AFG1L: variants seen among roughly 807,000 people sequenced by gnomAD.
AFG1L encodes the protein AFG1-like ATPase.
AFG1L carries 53 observed loss-of-function variants against 62.2 expected under a neutral mutation model. The observed-to-expected ratio is 0.85, with a 90% CI of 0.68 to 1.07. The LOEUF (loss-of-function observed/expected upper bound fraction) is 1.07, where lower values mean the gene tolerates loss of function less well. Among genes scored for constraint, AFG1L ranks in the 50% least tolerant of loss-of-function variants. The pLI is 0.00. For missense variants in AFG1L, 555 were observed against 590.5 expected, an observed-to-expected ratio of 0.94 and a Z score of 0.62; for synonymous variants, 228 against 210.3, an observed-to-expected ratio of 1.08 and a Z score of -0.73.
intron 6 of AFG1L, among the ~76,000 whole-genome samples, chr6:108,396,632 A>T (rs1465827266): frequency 1.3e-5 from 2 of 152,038 alleles, no homozygotes; most frequent in African/African-American, 4.8e-5. Flanking sequence ...CTGGGATTAC[A>T]GGTACTCGCC....
At chr6:108,508,607 T>C (rs568712113) in intron 10 of AFG1L, among the ~76,000 whole-genome samples, 1 of 152,260 alleles carries the variant, frequency 6.6e-6, no homozygotes, top group East Asian at 1.9e-4. Flanking sequence ...GCTGCATCCT[T>C]CTTAGAACTG....
chr6:108,489,014 C>CT (rs1773676680), intron 10 of AFG1L, among the ~76,000 whole-genome samples: 1 of 152,172 alleles, frequency 6.6e-6, no homozygotes, highest in South Asian at 2.1e-4. Flanking sequence ...TGAAAAATAA[C>CT]TATCCAGAAG....
At chr6:108,462,424 C>T (rs994401018) in intron 8 of AFG1L, among the ~76,000 whole-genome samples, 1 of 151,458 alleles carries the variant, frequency 6.6e-6, no homozygotes, top group Admixed American at 6.6e-5. Flanking sequence ...CAAAAAAAAA[C>T]ACTCCCGAAT....
At chr6:108,319,684 C>T (rs1037526572) in intron 1 of AFG1L, 17 of 335,798 alleles carry the variant, frequency 5.1e-5, no homozygotes, top group African/African-American at 3.7e-4. Flanking sequence ...TCATGGTGCT[C>T]TGCAGCCTCC....
chr6:108,491,965 A>G (rs567446435), intron 10 of AFG1L, among the ~76,000 whole-genome samples: 3 of 152,236 alleles, frequency 2.0e-5, no homozygotes, highest in Non-Finnish European at 4.4e-5. Context: ...CAAAGAAAGC[A>G]AAACAAACAA....
chr6:108,447,227 C>T lies in AFG1L; in HGVS notation c.821C>T (p.Thr274Ile), dbSNP rs1771846499. Reference sequence around the variant, plus strand: ...TTTGGATTGTAGGAATATTGTAATACAGTCCAGCTAGATTCTGGGATAGAT... The same window carrying T: ...TTTGGATTGTAGGAATATTGTAATATAGTCCAGCTAGATTCTGGGATAGAT... ...FIAVLKEYCN[T>I]VQLDSGIDYR... The change falls in exon 8 of 13, where the codon ACA becomes ATA. Residue 274 changes from threonine (T) to isoleucine (I), a missense_variant. Coordinates refer to ENST00000368977, the MANE Select transcript of AFG1L (RefSeq NM_145315.5). The T allele has an allele frequency of 1.9e-6, 3 of 1,595,076 alleles. No individual in the cohort carries two copies. The highest frequency in any genetic ancestry group is 1.7e-6 in the Non-Finnish European group (2 of 1,163,416).
intron 7 of AFG1L, among the ~76,000 whole-genome samples, chr6:108,439,067 G>A (rs1023254051): frequency 3.9e-5 from 6 of 152,118 alleles, no homozygotes; most frequent in African/African-American, 1.2e-4. Flanking sequence ...TAAAGGGATC[G>A]TAATCAATTC....
chr6:108,385,786 G>A (rs1167343057), intron 6 of AFG1L, among the ~76,000 whole-genome samples: 2 of 152,232 alleles, frequency 1.3e-5, no homozygotes, highest in East Asian at 1.9e-4. Flanking sequence ...ATGTTGAGAG[G>A]AAGAACCATC....
rs112654910 is a variant in AFG1L at position 108,451,540 on chromosome 6, T to C, written c.890+4244T>C. Among the ~76,000 whole-genome samples the C allele has an allele frequency of 9.6e-3, 1,458 of 152,240 alleles. 15 individuals carry two copies. The highest frequency in any genetic ancestry group is 0.032 in the African/African-American group (1,344 of 41,520). Reference sequence around the variant, plus strand: ...AGACGTTTTTGGCCCTGTAACAACCTCATATACAGCAAATTCAGAGAATTT... The same window carrying C: ...AGACGTTTTTGGCCCTGTAACAACCCCATATACAGCAAATTCAGAGAATTT... On this transcript the variant is annotated intron_variant, in intron 8 of 12. Coordinates refer to ENST00000368977, the MANE Select transcript of AFG1L (RefSeq NM_145315.5).
chr6:108,345,892 G>A (rs1778844444), intron 2 of AFG1L, among the ~76,000 whole-genome samples: 1 of 152,086 alleles, frequency 6.6e-6, no homozygotes, highest in Non-Finnish European at 1.5e-5. Context: ...CAGTGTAAGT[G>A]CCTTCTGGCC....
intron 10 of AFG1L, among the ~76,000 whole-genome samples, chr6:108,482,859 C>A (rs1312378010): frequency 6.6e-6 from 1 of 152,162 alleles, no homozygotes; most frequent in Non-Finnish European, 1.5e-5. Flanking sequence ...TTGATGCTAA[C>A]CTTCATCATA....
At chr6:108,498,760 A>T (rs1161450205) in intron 10 of AFG1L, among the ~76,000 whole-genome samples, 1 of 152,164 alleles carries the variant, frequency 6.6e-6, no homozygotes, top group Non-Finnish European at 1.5e-5. Flanking sequence ...AGATCACCTG[A>T]GATCAGGAGT....
At chr6:108,425,666 A>G (rs1363574094) in intron 7 of AFG1L, among the ~76,000 whole-genome samples, 3 of 152,190 alleles carry the variant, frequency 2.0e-5, no homozygotes, top group East Asian at 1.9e-4. Context: ...ACATATATAC[A>G]TACACATATA....
At chr6:108,457,564 T>C (rs1462074752) in intron 8 of AFG1L, among the ~76,000 whole-genome samples, 1 of 151,868 alleles carries the variant, frequency 6.6e-6, no homozygotes, top group East Asian at 1.9e-4. Context: ...TTATTATCTT[T>C]TTAGGTTATA....
intron 2 of AFG1L, among the ~76,000 whole-genome samples, chr6:108,340,426 T>TGA (rs1638349430): frequency 6.6e-6 from 1 of 150,928 alleles, no homozygotes; most frequent in South Asian, 2.1e-4. Context: ...TGCAGTGGTG[T>TGA]GATCTAAGCT....
At position 108,356,709 on chromosome 6, in the gene AFG1L, G is replaced by T. The variant is rs1176239337; in HGVS notation, c.537G>T (p.Gln179His). 1 of 1,611,278 alleles carries T rather than the reference G, an allele frequency of 6.2e-7. No homozygotes were observed. The highest frequency in any genetic ancestry group is 1.7e-5 in the Admixed American group (1 of 59,638). ...TTTAAGGAATACATCGCCTTAAACA[G>T]AGTTTGCCAAAAAGGAAACCAGGAT... ...DVHKRIHRLK[Q>H]SLPKRKPGFM... The change falls in exon 5 of 13, where the codon CAG becomes CAT. Residue 179 changes from glutamine to histidine, a missense_variant. Gln to His is a conservative substitution (Grantham distance 24, BLOSUM62 0). Transcript: ENST00000368977.
chr6:108,351,038 A>G (rs1317353164), intron 3 of AFG1L, among the ~76,000 whole-genome samples: 1 of 152,210 alleles, frequency 6.6e-6, no homozygotes, highest in Non-Finnish European at 1.5e-5. Flanking sequence ...TTATCTAAAC[A>G]TATCTAAACA....
At chr6:108,490,873 T>C (rs1432555667) in intron 10 of AFG1L, among the ~76,000 whole-genome samples, 1 of 152,232 alleles carries the variant, frequency 6.6e-6, no homozygotes, top group African/African-American at 2.4e-5. Context: ...CTCTCTCTAC[T>C]GACGGATGCT....
chr6:108,356,450 AAG>A lies in AFG1L; in HGVS notation c.518-237_518-236del, dbSNP rs546019516. On this transcript the variant is annotated intron_variant, in intron 4 of 12. Coordinates refer to ENST00000368977, the MANE Select transcript of AFG1L (RefSeq NM_145315.5). ...TACCTTGTCATTTCTGAAATGATTA[AAG>A]AGTAGAAATGAAATGACCTTGAAGT... Among the ~76,000 whole-genome samples, 21 of 152,346 alleles carry A rather than the reference AAG, an allele frequency of 1.4e-4. No individual in the cohort carries two copies. In the South Asian group the frequency reaches 4.3e-3, roughly 32 times the overall value.
Sources: gnomAD v4.1 joint callset for allele counts (sites outside exome capture counted in the v4.1 genomes callset) on GRCh38, gnomAD v4.1.1 for gene constraint, MANE v1.5 for transcripts, NCBI Gene and HGNC (gene_info 2026-07-23, HGNC 2026-07-21) for gene names.